Variants in NFASC observed in about 807,000 individuals in gnomAD.
NFASC encodes neurofascin homolog.
Under a neutral mutation model 147.5 loss-of-function variants are expected in NFASC, and 43 were observed. The ratio of observed to expected loss-of-function variants is 0.29; its 90% confidence interval spans 0.23 to 0.38. NFASC has a LOEUF of 0.38. Ranked by LOEUF, NFASC falls within the 10% of genes least tolerant of loss-of-function variation. NFASC has a pLI of 1.00. For synonymous variants in NFASC, 622 were observed against 665.5 expected (o/e 0.93, Z 1.01); for missense variants, 1,320 against 1,689.0 (o/e 0.78, Z 3.83).
Position 205,001,583 on chromosome 1 carries a change from T to C in NFASC, c.3136+297T>C, listed in dbSNP as rs572991241. On this transcript the variant is annotated intron_variant, in intron 26 of 29. Transcript: ENST00000339876. ...ATTCATTTCCTGCCCAGGATGAGGG[T>C]TCTGAATAGCCCCCAAATGAGCCAA... Among the ~76,000 whole-genome samples, 12 of 152,208 alleles carry C rather than the reference T, an allele frequency of 7.9e-5. No individual in the cohort carries two copies. The South Asian group carries it at 2.3e-3, about 29-fold the overall frequency.
Position 204,981,884 on chromosome 1 carries a change from C to T in NFASC, c.2334C>T (p.Asn778=), listed in dbSNP as rs765506139. Residue 778 remains asparagine, a synonymous_variant, in exon 21 of 30, where the codon AAC becomes AAT. Transcript: ENST00000339876. ...GAGAGACTCGAGAGGCCTGGAACAACGTCACAGTGTGGGGCTCTCGCTACG... is the reference window on the plus strand; with the variant it reads ...GAGAGACTCGAGAGGCCTGGAACAATGTCACAGTGTGGGGCTCTCGCTACG... ...RRRETREAWN[N]VTVWGSRYVV... 65 of 1,607,480 alleles carry T rather than the reference C, an allele frequency of 4.0e-5. No individual in the cohort carries two copies. The highest frequency in any genetic ancestry group is 2.3e-4 in the East Asian group (10 of 44,304).
rs148792882 is a variant in NFASC, at chr1:204,937,169, T to C, written c.-90-7057T>C. Among the ~76,000 whole-genome samples, 154 of 144,232 alleles carry C rather than the reference T, an allele frequency of 1.1e-3. 1 individual carries two copies. In the East Asian group the frequency reaches 0.023, roughly 22 times the overall value. 94.6% of individuals were successfully genotyped at this position (144,232 alleles called of 152,430 possible). ...TTCTTTCTTTAAAAAAAAAAACACTTCTAGAGCAGTTTTAGGTTCAAGGTA... is the reference window on the plus strand; with the variant it reads ...TTCTTTCTTTAAAAAAAAAAACACTCCTAGAGCAGTTTTAGGTTCAAGGTA... On this transcript the variant is annotated intron_variant, in intron 2 of 29. Transcript: ENST00000339876.
chr1:204,912,109 G>A (rs1394321409), intron 1 of NFASC, among the ~76,000 whole-genome samples: 1 of 151,594 alleles, frequency 6.6e-6, no homozygotes, highest in Non-Finnish European at 1.5e-5. Context: ...TTTCCCTATT[G>A]TGTTTGTTCT....
At chr1:204,962,002 C>A in intron 8 of NFASC, 1 of 814,334 alleles carries the variant, frequency 1.2e-6, no homozygotes, top group Non-Finnish European at 2.1e-6. Context: ...CCACTGCTGC[C>A]CTCCTCAGTT....
Position 205,021,745 on chromosome 1 carries a change from C to T in NFASC, c.*5206C>T, listed in dbSNP as rs948356050. 2.0e-5 allele frequency: 3 copies of T among 153,312 alleles called. No individual in the cohort carries two copies. The highest frequency in any genetic ancestry group is 6.5e-5 in the Admixed American group (1 of 15,286). 9.5% of individuals were successfully genotyped at this position (153,312 alleles called of 1,614,324 possible). A position where few individuals can be genotyped will look rare whatever the true frequency, so the allele number is the denominator to read the frequency against. The stretch of plus-strand genomic sequence containing the variant: ...CCTCTTTACTGCGTCTCCCACATCC[C>T]CCACATGCCTCCCAAAATGAAAGAC... On this transcript the variant is annotated 3_prime_UTR_variant, in exon 30 of 30. Transcript: ENST00000339876.
chr1:204,923,539 C>T (rs558146820), intron 2 of NFASC, among the ~76,000 whole-genome samples: 1 of 152,248 alleles, frequency 6.6e-6, no homozygotes, highest in South Asian at 2.1e-4. Context: ...ACTCACACTC[C>T]TAAGTCCCTC....
intron 10 of NFASC, among the ~76,000 whole-genome samples, chr1:204,969,873 C>T (rs778953934): frequency 2.0e-5 from 3 of 151,980 alleles, no homozygotes; most frequent in Admixed American, 6.6e-5. Context: ...GTCAGAAGAT[C>T]GAGACCATCC....
intron 21 of NFASC, among the ~76,000 whole-genome samples, chr1:204,983,233 A>C (rs2095542603): frequency 6.6e-6 from 1 of 152,138 alleles, no homozygotes; most frequent in Non-Finnish European, 1.5e-5. Context: ...CAGGGACAAG[A>C]ATCAGTTATG....
At chr1:204,831,513 T>C (rs1672225432) in intron 1 of NFASC, among the ~76,000 whole-genome samples, 1 of 151,904 alleles carries the variant, frequency 6.6e-6, no homozygotes, top group Non-Finnish European at 1.5e-5. Context: ...ATCAGTATAT[T>C]GCAACTTGTT....
chr1:204,931,082 G>T (rs1425561876), intron 2 of NFASC, among the ~76,000 whole-genome samples: 2 of 147,496 alleles, frequency 1.4e-5, no homozygotes, highest in African/African-American at 5.0e-5. Context: ...TTAAGAAGAA[G>T]AAAAAAAAAA....
chr1:205,014,227 C>G (rs1034208126), intron 29 of NFASC, among the ~76,000 whole-genome samples: 2 of 152,154 alleles, frequency 1.3e-5, no homozygotes, highest in East Asian at 3.9e-4. Flanking sequence ...ACCCCTGCCT[C>G]CTCCCCGCAG....
chr1:204,879,747 A>G lies in NFASC; in HGVS notation c.-199-40885A>G, dbSNP rs556841563. 3.3e-5 allele frequency among the ~76,000 whole-genome samples: 5 copies of G among 152,374 alleles called. No individual in the cohort carries two copies. The East Asian group carries it at 9.6e-4, about 29-fold the overall frequency. On this transcript the variant is annotated intron_variant, in intron 1 of 29. Transcript: ENST00000339876. ...AGAAAGTGTTCTATCCTGAGACTGC[A>G]GAAAAGGATGGAGAGAAAGGAATTC...
At chr1:204,868,282 G>A (rs1313772247) in intron 1 of NFASC, among the ~76,000 whole-genome samples, 1 of 152,228 alleles carries the variant, frequency 6.6e-6, no homozygotes, top group East Asian at 1.9e-4. Context: ...CTCTTCTGGT[G>A]TGGGAGAGCA....
At chr1:204,932,130 G>C (rs540273727) in intron 2 of NFASC, among the ~76,000 whole-genome samples, 2 of 152,102 alleles carry the variant, frequency 1.3e-5, no homozygotes, top group African/African-American at 2.4e-5. Flanking sequence ...ATAGGTCTCC[G>C]TTGGGTCAGG....
intron 1 of NFASC, among the ~76,000 whole-genome samples, chr1:204,871,508 T>C (rs77792031): frequency 0.021 from 3,143 of 152,292 alleles, 134 homozygotes; most frequent in African/African-American, 0.071. Flanking sequence ...GTTAACTCTG[T>C]GGCGTGTCTC....
Position 204,988,633 on chromosome 1 carries a change from T to C in NFASC, c.2594T>C (p.Phe865Ser). Residue 865 changes from phenylalanine (F) to serine (S), a missense_variant and splice_region_variant, in exon 23 of 30, where the codon TTT becomes TCT. By Grantham distance (155) the Phe-to-Ser change is radical. Transcript: ENST00000339876. ...MIGYTLKYVA[F>S]NGTKVGKQIV... ...ATTCCACTTACCTCTCTCTCCCCAGTTAACGGGACCAAAGTAGGAAAGCAG... is the reference window on the plus strand; with the variant it reads ...ATTCCACTTACCTCTCTCTCCCCAGCTAACGGGACCAAAGTAGGAAAGCAG... The C allele has an allele frequency of 6.2e-7, 1 of 1,614,058 alleles. No individual in the cohort carries two copies. The highest frequency in any genetic ancestry group is 1.3e-5 in the African/African-American group (1 of 75,060).
intron 1 of NFASC, among the ~76,000 whole-genome samples, chr1:204,848,685 T>C (rs536065646): frequency 6.6e-6 from 1 of 152,368 alleles, no homozygotes; most frequent in South Asian, 2.1e-4. Flanking sequence ...TAATATTTTA[T>C]GTGTACTTTT....
rs377634119 is a variant in NFASC at position 204,975,430 on chromosome 1, C to T, written c.1706+12C>T. The T allele has an allele frequency of 1.9e-6, 3 of 1,602,722 alleles. No individual in the cohort carries two copies. Among genetic ancestry groups the T allele is most frequent in the East Asian group, 4.5e-5 (2 of 44,522 alleles). ...TATATTGGAAACAGGTTTCTCTTCCCCCTTCCCCCTTCCTAGTGCTAGTTT... is the reference window on the plus strand; with the variant it reads ...TATATTGGAAACAGGTTTCTCTTCCTCCTTCCCCCTTCCTAGTGCTAGTTT... On this transcript the variant is annotated intron_variant, in intron 15 of 29. Transcript: ENST00000339876. The surrounding 1 kb of genome is among the most constrained non-coding windows in gnomAD (Gnocchi z 4.0).
chr1:204,847,537 A>G (rs1249616373), intron 1 of NFASC, among the ~76,000 whole-genome samples: 2 of 152,104 alleles, frequency 1.3e-5, no homozygotes, highest in Non-Finnish European at 2.9e-5. Flanking sequence ...GGGGCTGCTG[A>G]CTTGCTCCGA....
Sources: allele counts gnomAD v4.1 joint callset (sites outside exome capture counted in the v4.1 genomes callset), GRCh38; gene constraint gnomAD v4.1.1; non-coding constraint Gnocchi (gnomAD v3.1); transcripts MANE v1.5; gene names NCBI Gene and HGNC (gene_info 2026-07-23, HGNC 2026-07-21).